The following FMN2 variants were observed in gnomAD, a reference collection of about 807,000 sequenced individuals.
The protein encoded by FMN2 is formin 2.
In FMN2, 51 loss-of-function variants were observed where a neutral mutation model predicts 142.3. The observed-to-expected ratio is 0.36, with a 90% CI of 0.29 to 0.45. The LOEUF is 0.45. FMN2 is among the 20% of genes least tolerant of loss of function. The probability of loss-of-function intolerance (pLI) is 1.00; values close to 1 mark genes in which losing one functional copy is unlikely to be tolerated. For synonymous variants in FMN2, 882 were observed against 869.8 expected, an observed-to-expected ratio of 1.01 and a Z score of -0.25; for missense variants, 1,936 against 2,122.8, an observed-to-expected ratio of 0.91 and a Z score of 1.73.
chr1:240,227,268 A>G (rs556889895), intron 6 of FMN2, among the ~76,000 whole-genome samples: 2 of 152,350 alleles, frequency 1.3e-5, no homozygotes, highest in East Asian at 3.9e-4. Context: ...CACTGAATCT[A>G]GAAAGCATTG....
At chr1:240,447,577 A>C (rs2103200664) in intron 16 of FMN2, among the ~76,000 whole-genome samples, 1 of 152,356 alleles carries the variant, frequency 6.6e-6, no homozygotes, top group African/African-American at 2.4e-5. Context: ...CGGAACTCTC[A>C]TACTTTGCTG....
chr1:240,138,192 G>A (rs926934849), intron 2 of FMN2, among the ~76,000 whole-genome samples: 10 of 152,120 alleles, frequency 6.6e-5, no homozygotes, highest in Admixed American at 2.0e-4. Context: ...GTAGGAAGCC[G>A]GTGGAGGGTG....
At chr1:240,190,255 C>A (rs1665649550) in intron 4 of FMN2, among the ~76,000 whole-genome samples, 1 of 152,112 alleles carries the variant, frequency 6.6e-6, no homozygotes, top group African/African-American at 2.4e-5. Flanking sequence ...TCCTTGTTGA[C>A]AGTGAAGTGT....
intron 15 of FMN2, among the ~76,000 whole-genome samples, chr1:240,418,570 G>A (rs918321559): frequency 1.1e-4 from 17 of 152,056 alleles, no homozygotes; most frequent in East Asian, 1.9e-4. Flanking sequence ...AGGGATTTTC[G>A]AAGTTCCATT....
intron 14 of FMN2, among the ~76,000 whole-genome samples, chr1:240,387,145 T>G (rs1317955329): frequency 6.6e-6 from 1 of 152,206 alleles, no homozygotes; most frequent in Non-Finnish European, 1.5e-5. Context: ...CACTTTTCAT[T>G]GTTGCCTTTT....
chr1:240,174,296 C>T (rs1215960204), intron 2 of FMN2, among the ~76,000 whole-genome samples: 1 of 152,146 alleles, frequency 6.6e-6, no homozygotes, highest in East Asian at 1.9e-4. Flanking sequence ...GGTATCATTA[C>T]CACTAACTGG....
chr1:240,113,613 T>A (rs1331640447), intron 1 of FMN2, among the ~76,000 whole-genome samples: 1 of 151,406 alleles, frequency 6.6e-6, no homozygotes, highest in Non-Finnish European at 1.5e-5. Flanking sequence ...GGCAGTCCAT[T>A]CTCCCTAGTT....
chr1:240,315,654 A>ATGT (rs566849854), intron 8 of FMN2, among the ~76,000 whole-genome samples: 191 of 152,302 alleles, frequency 1.3e-3, no homozygotes, highest in African/African-American at 4.4e-3. Flanking sequence ...TTGCTATGGT[A>ATGT]TATTTGATCA....
intron 2 of FMN2, among the ~76,000 whole-genome samples, chr1:240,169,248 T>C (rs1237441499): frequency 6.6e-6 from 1 of 152,158 alleles, no homozygotes; most frequent in East Asian, 1.9e-4. Context: ...TAAATGTGTC[T>C]TCAGAGCCCT....
At chr1:240,468,620 C>T (rs929809796) in intron 16 of FMN2, among the ~76,000 whole-genome samples, 1 of 152,186 alleles carries the variant, frequency 6.6e-6, no homozygotes, top group African/African-American at 2.4e-5. Context: ...ATGTTATCTC[C>T]ACCATGCCTT....
chr1:240,187,399 T>C (rs934936478), intron 3 of FMN2, among the ~76,000 whole-genome samples: 3 of 151,784 alleles, frequency 2.0e-5, no homozygotes, highest in Non-Finnish European at 2.9e-5. Context: ...ATATAAACTC[T>C]CGTCTTCACC....
intron 7 of FMN2, among the ~76,000 whole-genome samples, chr1:240,287,193 C>G (rs1170784432): frequency 6.6e-6 from 1 of 152,158 alleles, no homozygotes; most frequent in Non-Finnish European, 1.5e-5. Context: ...CCCTGCAGTT[C>G]CTCAGAGAGA....
intron 4 of FMN2, among the ~76,000 whole-genome samples, chr1:240,191,557 A>T (rs1367174135): frequency 6.6e-6 from 1 of 152,238 alleles, no homozygotes; most frequent in Non-Finnish European, 1.5e-5. Context: ...ATAAAACTGA[A>T]ATGCGACTGT....
At chr1:240,235,221 C>T (rs569812956) in intron 6 of FMN2, among the ~76,000 whole-genome samples, 5 of 152,198 alleles carry the variant, frequency 3.3e-5, no homozygotes, top group African/African-American at 1.2e-4. Context: ...TTCTTTCTGT[C>T]CAGGGTATCC....
rs936073200 is a variant in FMN2, at chr1:240,104,520, C to T, written c.1615+10796C>T. Among the ~76,000 whole-genome samples, 9 of 152,248 alleles carry T rather than the reference C, an allele frequency of 5.9e-5. 1 individual carries two copies. Among genetic ancestry groups the T allele is most frequent in the South Asian group, 2.1e-4 (1 of 4,828 alleles). ...CTCCCTGCATTTTCACTTCCCATTCCGAAGCCTCTAGTAGACATACAGAAC... is the reference window on the plus strand; with the variant it reads ...CTCCCTGCATTTTCACTTCCCATTCTGAAGCCTCTAGTAGACATACAGAAC... On this transcript the variant is annotated intron_variant, in intron 1 of 17. Coordinates refer to ENST00000319653, the MANE Select transcript of FMN2 (RefSeq NM_020066.5).
At chr1:240,454,326 G>A (rs1191238928) in intron 16 of FMN2, among the ~76,000 whole-genome samples, 2 of 152,266 alleles carry the variant, frequency 1.3e-5, no homozygotes, top group East Asian at 3.9e-4. Flanking sequence ...TAGATCACTT[G>A]AGGTCAGGAG....
At chr1:240,416,861 G>T (rs377029641) in intron 15 of FMN2, among the ~76,000 whole-genome samples, 1 of 150,698 alleles carries the variant, frequency 6.6e-6, no homozygotes, top group Non-Finnish European at 1.5e-5. Context: ...GGCTTTGTCC[G>T]TTGTATGAAT....
intron 3 of FMN2, among the ~76,000 whole-genome samples, chr1:240,184,517 GT>G (rs71712034): frequency 0.047 from 5,609 of 119,732 alleles, 356 homozygotes; most frequent in African/African-American, 0.15. Context: ...CGCCCGGCCT[GT>G]TTTTTTTTTT....
chr1:240,444,133 C>T (rs1480093224), intron 16 of FMN2, among the ~76,000 whole-genome samples: 1 of 152,186 alleles, frequency 6.6e-6, no homozygotes, highest in African/African-American at 2.4e-5. Flanking sequence ...GAGTGTTCAG[C>T]TATATAACCA....
Sources: allele counts gnomAD v4.1 joint callset (sites outside exome capture counted in the v4.1 genomes callset), GRCh38; gene constraint gnomAD v4.1.1; transcripts MANE v1.5; gene names NCBI Gene and HGNC (gene_info 2026-07-23, HGNC 2026-07-21).